TEX9: variants seen among roughly 807,000 people sequenced by gnomAD.
TEX9 encodes testis-expressed protein 9.
In TEX9, 74 loss-of-function variants were observed where a neutral mutation model predicts 59.6. The ratio of observed to expected loss-of-function variants is 1.24; its 90% CI spans 1.03 to 1.51. TEX9 has a LOEUF of 1.51. Ranked by LOEUF, TEX9 falls within the 40% of genes most tolerant of loss-of-function variation. TEX9 has a pLI of 0.00. For synonymous variants in TEX9, 186 were observed against 152.2 expected, an observed-to-expected ratio of 1.22 and a Z score of -1.64; for missense variants, 522 against 447.8, an observed-to-expected ratio of 1.17 and a Z score of -1.49.
intron 8 of TEX9, 167 bp downstream of exon 8, chr15:56,394,414 CAG>C (rs1207442499): frequency 1.5e-6 from 1 of 652,874 alleles, no homozygotes; most frequent in Non-Finnish European, 2.5e-6. Flanking sequence ...TGAATTTTCA[CAG>C]AGCTGAAATA....
At position 56,262,574 on chromosome 15, in the gene TEX9, A is replaced by G. The variant is rs543906022; in HGVS notation, c.-107+18296A>G. Among the ~76,000 whole-genome samples the G allele has an allele frequency of 1.1e-4, 17 of 152,322 alleles. No homozygotes were observed. In the South Asian group the frequency reaches 2.1e-3, roughly 19 times the overall value. ...ATGTGCTTGAAAAGAACTGTATTTT[A>G]CAGTGGTTAGGTGTAGTGTCATATC... On this transcript the variant is annotated intron_variant, in intron 1 of 5. Transcript: ENST00000560827.
chr15:56,443,576 C>T (rs1253733224), intron 12 of TEX9: 2 of 1,582,666 alleles, frequency 1.3e-6, no homozygotes, highest in African/African-American at 1.4e-5. Flanking sequence ...TTTATAGGAT[C>T]CAAATTCTGT....
At chr15:56,280,600 A>C (rs1235079958) in intron 1 of TEX9, among the ~76,000 whole-genome samples, 5 of 152,244 alleles carry the variant, frequency 3.3e-5, no homozygotes, top group Non-Finnish European at 5.9e-5. Flanking sequence ...ATTTCCAATA[A>C]GTTTATAGGG....
intron 3 of TEX9, among the ~76,000 whole-genome samples, chr15:56,383,665 G>A (rs1244128013): frequency 6.6e-6 from 1 of 152,170 alleles, no homozygotes; most frequent in Non-Finnish European, 1.5e-5. Context: ...GTATAAGCTG[G>A]AAGACTCTAA....
chr15:56,277,957 CG>C (rs2044715052), intron 1 of TEX9, among the ~76,000 whole-genome samples: 1 of 152,032 alleles, frequency 6.6e-6, no homozygotes, highest in Non-Finnish European at 1.5e-5. Context: ...AACACTATTT[CG>C]TTTTTTTTTT....
chr15:56,300,704 A>AGG (rs1263075821), intron 1 of TEX9, among the ~76,000 whole-genome samples: 4 of 105,810 alleles, frequency 3.8e-5, no homozygotes, highest in Admixed American at 1.0e-4. Flanking sequence ...AGAGAGAGAG[A>AGG]GAGGGAGAGA....
intron 1 of TEX9, among the ~76,000 whole-genome samples, chr15:56,319,794 T>C (rs2045862286): frequency 6.6e-6 from 1 of 152,116 alleles, no homozygotes; most frequent in South Asian, 2.1e-4. Context: ...GAAAATATTG[T>C]GAATCATATC....
the TEX9 span, among the ~76,000 whole-genome samples, chr15:56,458,715 T>C: frequency 6.6e-6 from 1 of 152,208 alleles, no homozygotes; most frequent in Non-Finnish European, 1.5e-5. Flanking sequence ...AATGGAGCCT[T>C]TTTGGACTGG....
intron 12 of TEX9, among the ~76,000 whole-genome samples, chr15:56,439,981 A>G (rs760150013): frequency 4.6e-5 from 7 of 152,136 alleles, no homozygotes; most frequent in Non-Finnish European, 8.8e-5. Context: ...ATAAAGCTAC[A>G]GACTAGAAGA....
intron 12 of TEX9, among the ~76,000 whole-genome samples, chr15:56,444,271 T>C (rs865987070): frequency 1.4e-4 from 22 of 152,180 alleles, no homozygotes; most frequent in African/African-American, 4.6e-4. Flanking sequence ...ATTTATTAAT[T>C]ATGCTAACGG....
chr15:56,373,679 A>G (rs1464733514), intron 3 of TEX9, among the ~76,000 whole-genome samples, 175 bp downstream of exon 3: 1 of 152,190 alleles, frequency 6.6e-6, no homozygotes, highest in African/African-American at 2.4e-5. Context: ...ATATATGTAT[A>G]TGTTTTTAGT....
At chr15:56,414,701 A>G (rs2049583237) in intron 10 of TEX9, among the ~76,000 whole-genome samples, 1 of 151,758 alleles carries the variant, frequency 6.6e-6, no homozygotes, top group African/African-American at 2.4e-5. Context: ...TGCAGTGAAC[A>G]TTTGTGTGCA....
chr15:56,357,351 C>G (rs1454871589), intron 1 of TEX9, among the ~76,000 whole-genome samples: 2 of 151,790 alleles, frequency 1.3e-5, no homozygotes, highest in African/African-American at 4.8e-5. Flanking sequence ...TCTTTTTTTC[C>G]TCTTGGCTGC....
exon 9 of TEX9, chr15:56,394,695 A>G (rs866464042): frequency 6.2e-7 from 1 of 1,607,592 alleles, no homozygotes; most frequent in Middle Eastern, 1.9e-4. Context: ...TCTCAAGTAA[A>G]AAATTTTGAA....
chr15:56,349,177 G>A (rs139761853), intron 1 of TEX9, among the ~76,000 whole-genome samples: 56 of 152,174 alleles, frequency 3.7e-4, no homozygotes, highest in African/African-American at 1.3e-3. Flanking sequence ...TTCTTTGTAT[G>A]TCAAGTAAAT....
chr15:56,436,946 T>C (rs1168410847), intron 12 of TEX9, among the ~76,000 whole-genome samples: 1 of 152,110 alleles, frequency 6.6e-6, no homozygotes, highest in Non-Finnish European at 1.5e-5. Context: ...GGCTCTGAAA[T>C]TGAGGCAATA....
At chr15:56,300,741 G>GAC (rs1567077651) in intron 1 of TEX9, among the ~76,000 whole-genome samples, 5 of 148,360 alleles carry the variant, frequency 3.4e-5, no homozygotes, top group African/African-American at 1.3e-4. Context: ...GAGAGAGAGA[G>GAC]AGAGACTTCA....
intron 1 of TEX9, among the ~76,000 whole-genome samples, chr15:56,338,366 C>A (rs1255412976): frequency 6.6e-6 from 1 of 152,198 alleles, no homozygotes; most frequent in African/African-American, 2.4e-5. Flanking sequence ...TGATACTGTT[C>A]TTTCAAAAGT....
intron 1 of TEX9, among the ~76,000 whole-genome samples, chr15:56,355,121 A>G (rs1254363907): frequency 3.3e-5 from 5 of 152,166 alleles, no homozygotes; most frequent in Non-Finnish European, 7.4e-5. Flanking sequence ...CCTTCCTCCC[A>G]TTCCCAGTTC....
Sources: allele counts gnomAD v4.1 joint callset (sites outside exome capture counted in the v4.1 genomes callset), GRCh38; gene constraint gnomAD v4.1.1; transcripts MANE v1.5; gene names NCBI Gene and HGNC (gene_info 2026-07-23, HGNC 2026-07-21).